The following BTBD9 variants were observed in gnomAD, a reference collection of about 807,000 sequenced individuals.
BTBD9 encodes the protein BTB domain containing 9.
A neutral mutation model predicts 64.3 loss-of-function variants in BTBD9; 49 were observed. That is an observed-to-expected ratio of 0.76 (90% confidence interval 0.61 to 0.97). The LOEUF (loss-of-function observed/expected upper bound fraction) is 0.97. BTBD9 is among the 50% of genes least tolerant of loss of function. The probability of loss-of-function intolerance (pLI) is 0.00; values close to 1 mark genes in which losing one functional copy is unlikely to be tolerated. For missense variants in BTBD9, 598 were observed against 762.1 expected (o/e 0.78, Z 2.53); for synonymous variants, 260 against 274.7 (o/e 0.95, Z 0.53).
chr6:38,293,715 C>G (rs1446625664), intron 7 of BTBD9, among the ~76,000 whole-genome samples: 2 of 152,166 alleles, frequency 1.3e-5, no homozygotes, highest in Non-Finnish European at 2.9e-5. Context: ...TATAAAAACT[C>G]TAGAAGAAAA....
chr6:38,240,308 C>T (rs1368522194), intron 9 of BTBD9, among the ~76,000 whole-genome samples: 2 of 152,218 alleles, frequency 1.3e-5, no homozygotes, highest in Non-Finnish European at 2.9e-5. Context: ...GGGATCAAGG[C>T]CCCTCAGTCT....
At chr6:38,438,285 A>T in intron 6 of BTBD9, among the ~76,000 whole-genome samples, 1 of 151,344 alleles carries the variant, frequency 6.6e-6, no homozygotes, top group South Asian at 2.1e-4. Context: ...ACTGGATTGC[A>T]GCTTATGGCA....
At chr6:38,489,673 T>C (rs997540925) in intron 6 of BTBD9, among the ~76,000 whole-genome samples, 1 of 152,234 alleles carries the variant, frequency 6.6e-6, no homozygotes, top group African/African-American at 2.4e-5. Flanking sequence ...TTATGAGCAT[T>C]ATTCAAAATA....
chr6:38,258,933 T>C (rs576810788), intron 8 of BTBD9, among the ~76,000 whole-genome samples: 1 of 152,302 alleles, frequency 6.6e-6, no homozygotes, highest in Non-Finnish European at 1.5e-5. Flanking sequence ...ATGATCATGA[T>C]GGCCAACATT....
At chr6:38,375,957 A>C (rs1233853308) in intron 6 of BTBD9, among the ~76,000 whole-genome samples, 1 of 149,954 alleles carries the variant, frequency 6.7e-6, no homozygotes, top group Admixed American at 6.6e-5. Context: ...GAAGGAAAGA[A>C]AGAAAGAAAA....
At chr6:38,192,405 T>A in intron 10 of BTBD9, 114 bp downstream of exon 10, 1 of 917,814 alleles carries the variant, frequency 1.1e-6, no homozygotes, top group South Asian at 1.5e-5. Context: ...CACCAAGCTG[T>A]CTGAATAGCA....
At chr6:38,407,370 T>A (rs766237943) in intron 6 of BTBD9, among the ~76,000 whole-genome samples, 5 of 152,274 alleles carry the variant, frequency 3.3e-5, no homozygotes, top group Admixed American at 6.5e-5. Context: ...AAGAGGAAGT[T>A]CTTTCAGTAG....
intron 7 of BTBD9, among the ~76,000 whole-genome samples, chr6:38,324,298 T>C (rs939440250): frequency 3.3e-5 from 5 of 152,132 alleles, no homozygotes; most frequent in African/African-American, 1.2e-4. Flanking sequence ...AGGAAACAGA[T>C]GCAAAAATTC....
intron 1 of BTBD9, among the ~76,000 whole-genome samples, chr6:38,610,691 C>T (rs902782770): frequency 5.9e-5 from 9 of 152,106 alleles, no homozygotes; most frequent in Admixed American, 1.3e-4. Context: ...GGAGATTAGG[C>T]CACATTCTGT....
rs3047754 is a variant in BTBD9, at chr6:38,217,318, CAAAA to C, written c.1563-24725_1563-24722del. Among the ~76,000 whole-genome samples, 33 of 69,266 alleles carry C rather than the reference CAAAA, an allele frequency of 4.8e-4. 1 individual carries two copies. The South Asian group carries it at 0.013, about 28-fold the overall frequency. 45.4% of individuals were successfully genotyped at this position (69,266 alleles called of 152,430 possible). ...TGGGTGACAGAGCAAGACTCCATCT[CAAAA>C]AAAAAAAAAAAAAAAAAAAAGAATC... On this transcript the variant is annotated intron_variant, in intron 9 of 10. Transcript: ENST00000481247.
At chr6:38,287,109 TACACACACACAC>T (rs70981534) in intron 8 of BTBD9, among the ~76,000 whole-genome samples, 23 of 87,018 alleles carry the variant, frequency 2.6e-4, no homozygotes, top group East Asian at 2.2e-3. Flanking sequence ...AAAAAAAATA[TACACACACACAC>T]ACACACACAC....
rs1174272294 is a variant in BTBD9 at position 38,557,902 on chromosome 6, T to TA, written c.1154+19697dup. On this transcript the variant is annotated intron_variant, in intron 6 of 10. Coordinates refer to ENST00000481247, the MANE Select transcript of BTBD9 (RefSeq NM_001099272.2). ...ATCCACTTTTCTGATTTTGAGATCT[T>TA]AGAGAAATTACTTAACCTTTCTGAG... 2.0e-5 allele frequency among the ~76,000 whole-genome samples: 3 copies of TA among 152,290 alleles called. No individual in the cohort carries two copies. The East Asian group carries it at 5.8e-4, about 29-fold the overall frequency.
chr6:38,589,398 T>C (rs1364705093), intron 4 of BTBD9, among the ~76,000 whole-genome samples: 1 of 152,204 alleles, frequency 6.6e-6, no homozygotes, highest in East Asian at 1.9e-4. Context: ...TAGGGCCTTT[T>C]CAGCACTTCA....
chr6:38,544,112 T>A (rs1348630589), intron 6 of BTBD9, among the ~76,000 whole-genome samples: 1 of 152,094 alleles, frequency 6.6e-6, no homozygotes, highest in African/African-American at 2.4e-5. Context: ...TCAAAAATAT[T>A]TTTTAAAAAT....
intron 9 of BTBD9, among the ~76,000 whole-genome samples, chr6:38,212,639 G>A (rs1403795281): frequency 2.0e-5 from 3 of 152,206 alleles, no homozygotes; most frequent in Non-Finnish European, 4.4e-5. Flanking sequence ...CATCTCTGGA[G>A]GCTGGTGAGG....
In BTBD9 at chr6:38,502,086, T is replaced by C. The variant is rs1772228910; in HGVS notation, c.1154+75514A>G. On this transcript the variant is annotated intron_variant, in intron 6 of 10. Transcript: ENST00000481247. Reference sequence around the variant, plus strand: ...GAAGCTGGTTTCTATTGTCAAGAACTCTGCTAATCCCTAGAGATGCTGATG... The same window carrying C: ...GAAGCTGGTTTCTATTGTCAAGAACCCTGCTAATCCCTAGAGATGCTGATG... Among the ~76,000 whole-genome samples the C allele has an allele frequency of 2.6e-5, 4 of 152,306 alleles. No homozygotes were observed. In the South Asian group the frequency reaches 8.3e-4, roughly 32 times the overall value.
At chr6:38,545,855 TACACACACACACACACACACACACAC>T (rs34465570) in intron 6 of BTBD9, among the ~76,000 whole-genome samples, 8 of 130,594 alleles carry the variant, frequency 6.1e-5, no homozygotes, top group African/African-American at 2.3e-4. Context: ...CACACACACA[TACACACACACACACACACACACACAC>T]ACACACACAC....
At chr6:38,389,983 T>C (rs561575752) in intron 6 of BTBD9, among the ~76,000 whole-genome samples, 1 of 152,300 alleles carries the variant, frequency 6.6e-6, no homozygotes, top group South Asian at 2.1e-4. Flanking sequence ...TATATTCTAG[T>C]GGTAATTATA....
chr6:38,389,627 A>G (rs2127621341), intron 6 of BTBD9, among the ~76,000 whole-genome samples: 1 of 152,334 alleles, frequency 6.6e-6, no homozygotes, highest in South Asian at 2.1e-4. Flanking sequence ...AAATGCATAG[A>G]TATCCAAATT....
Sources: gnomAD v4.1 joint callset for allele counts (sites outside exome capture counted in the v4.1 genomes callset) on GRCh38, gnomAD v4.1.1 for gene constraint, MANE v1.5 for transcripts, NCBI Gene and HGNC (gene_info 2026-07-23, HGNC 2026-07-21) for gene names.